Variants in NRG3 observed in about 807,000 individuals in gnomAD.
The protein encoded by NRG3 is neuregulin 3.
Under a neutral mutation model 66.9 loss-of-function variants are expected in NRG3, and 31 were observed. The ratio of observed to expected loss-of-function variants is 0.46; its 90% CI spans 0.35 to 0.63. NRG3 has a LOEUF of 0.63. Ranked by LOEUF, NRG3 falls within the 20% of genes least tolerant of loss-of-function variation. NRG3 has a pLI of 0.00. For missense variants in NRG3, 910 were observed against 878.9 expected (o/e 1.04, Z -0.45); for synonymous variants, 393 against 359.4 (o/e 1.09, Z -1.06).
chr10:82,290,421 A>G (rs1216723296), intron 1 of NRG3, among the ~76,000 whole-genome samples: 3 of 152,156 alleles, frequency 2.0e-5, no homozygotes, highest in South Asian at 4.1e-4. Flanking sequence ...TTTGATATCT[A>G]TTTATACTGC....
chr10:82,920,964 C>T (rs2132063204), intron 4 of NRG3, among the ~76,000 whole-genome samples: 1 of 152,116 alleles, frequency 6.6e-6, no homozygotes, highest in South Asian at 2.1e-4. Flanking sequence ...GCTACTCCAT[C>T]TACATAAATA....
At chr10:82,893,040 A>G (rs1054385750) in intron 4 of NRG3, among the ~76,000 whole-genome samples, 5 of 152,154 alleles carry the variant, frequency 3.3e-5, no homozygotes, top group African/African-American at 1.2e-4. Flanking sequence ...GGCACCTTTC[A>G]TAGTGATTGA....
chr10:82,279,812 T>A (rs1278070334), intron 1 of NRG3, among the ~76,000 whole-genome samples: 4 of 152,332 alleles, frequency 2.6e-5, no homozygotes, highest in Middle Eastern at 3.4e-3. Flanking sequence ...ACTTTAAGGA[T>A]CAATCGAAAT....
At chr10:82,878,573 G>C (rs949537828) in intron 4 of NRG3, among the ~76,000 whole-genome samples, 7 of 152,186 alleles carry the variant, frequency 4.6e-5, no homozygotes, top group African/African-American at 1.7e-4. Context: ...GGGAGGCAGT[G>C]AGATGAGTTG....
chr10:82,073,054 C>T (rs978636653), intron 1 of NRG3, among the ~76,000 whole-genome samples: 23 of 151,820 alleles, frequency 1.5e-4, no homozygotes, highest in African/African-American at 5.1e-4. Context: ...GGGTTACAGG[C>T]ATGAGCCACC....
intron 2 of NRG3, among the ~76,000 whole-genome samples, chr10:82,686,057 G>A (rs2054486026): frequency 6.6e-6 from 1 of 152,030 alleles, no homozygotes; most frequent in Non-Finnish European, 1.5e-5. Context: ...TACTCAGAAA[G>A]AGTATACTCT....
chr10:82,901,363 T>C (rs1844202587), intron 4 of NRG3, among the ~76,000 whole-genome samples: 1 of 152,280 alleles, frequency 6.6e-6, no homozygotes, highest in Non-Finnish European at 1.5e-5. Context: ...TGGCTTTTAT[T>C]GGCCACTGAT....
At chr10:82,733,487 C>A (rs1226553521) in intron 2 of NRG3, among the ~76,000 whole-genome samples, 1 of 152,182 alleles carries the variant, frequency 6.6e-6, no homozygotes, top group African/African-American at 2.4e-5. Context: ...CCCTCTTAAT[C>A]ATCATGATAT....
chr10:82,040,150 G>C (rs4505005), intron 1 of NRG3, among the ~76,000 whole-genome samples: 138,408 of 152,120 alleles, frequency 0.91, 63,566 homozygotes, highest in South Asian at 0.99. Flanking sequence ...TTCTAATTTC[G>C]TTTTAATACA....
At chr10:82,468,292 C>T (rs1370153811) in intron 2 of NRG3, among the ~76,000 whole-genome samples, 2 of 151,782 alleles carry the variant, frequency 1.3e-5, no homozygotes, top group African/African-American at 4.8e-5. Context: ...AGGGTGGGCG[C>T]CTATGGCAGG....
intron 1 of NRG3, among the ~76,000 whole-genome samples, chr10:81,884,724 G>T (rs899575776): frequency 6.6e-6 from 1 of 152,134 alleles, no homozygotes; most frequent in African/African-American, 2.4e-5. Context: ...CTAGGATTTT[G>T]ATATCCTGGG....
intron 3 of NRG3, among the ~76,000 whole-genome samples, chr10:82,771,447 A>G (rs1045190148): frequency 2.0e-5 from 3 of 152,128 alleles, no homozygotes; most frequent in African/African-American, 7.2e-5. Context: ...ATTCTGGTGT[A>G]TGGAAAGGCA....
At chr10:82,132,540 T>TATATGATATATATATG (rs2068996923) in intron 1 of NRG3, among the ~76,000 whole-genome samples, 1 of 130,176 alleles carries the variant, frequency 7.7e-6, no homozygotes, top group African/African-American at 3.1e-5. Flanking sequence ...ATATATGATA[T>TATATGATATATATATG]ATATATATCT....
At chr10:82,227,509 T>C (rs1477680654) in intron 1 of NRG3, among the ~76,000 whole-genome samples, 1 of 152,170 alleles carries the variant, frequency 6.6e-6, no homozygotes, top group Non-Finnish European at 1.5e-5. Flanking sequence ...TTTGACCTTA[T>C]ATCTAATTTC....
intron 3 of NRG3, among the ~76,000 whole-genome samples, chr10:82,859,821 C>T (rs867193957): frequency 2.0e-5 from 3 of 152,178 alleles, no homozygotes; most frequent in South Asian, 2.1e-4. Flanking sequence ...ACAATGTATA[C>T]GTATTCCAAA....
intron 3 of NRG3, among the ~76,000 whole-genome samples, chr10:82,815,877 G>A (rs1002856530): frequency 1.3e-5 from 2 of 152,208 alleles, no homozygotes; most frequent in African/African-American, 2.4e-5. Flanking sequence ...CAGCCACTGT[G>A]CACTGGCTAG....
chr10:82,316,517 C>T (rs1310388134), intron 1 of NRG3, among the ~76,000 whole-genome samples: 1 of 152,046 alleles, frequency 6.6e-6, no homozygotes, highest in Non-Finnish European at 1.5e-5. Flanking sequence ...CCTACGGACC[C>T]TTTTTTCCCC....
At chr10:82,254,268 T>A (rs1394018884) in intron 1 of NRG3, among the ~76,000 whole-genome samples, 1 of 152,212 alleles carries the variant, frequency 6.6e-6, no homozygotes, top group African/African-American at 2.4e-5. Flanking sequence ...GAGAAACATC[T>A]TATAAACATT....
intron 3 of NRG3, among the ~76,000 whole-genome samples, chr10:82,778,911 G>A (rs1439870498): frequency 6.6e-6 from 1 of 152,146 alleles, no homozygotes; most frequent in Non-Finnish European, 1.5e-5. Flanking sequence ...TGCGGGGGAG[G>A]GATTCTCTCC....
Sources: allele counts gnomAD v4.1 joint callset (sites outside exome capture counted in the v4.1 genomes callset), GRCh38; gene constraint gnomAD v4.1.1; transcripts MANE v1.5; gene names NCBI Gene and HGNC (gene_info 2026-07-23, HGNC 2026-07-21).